GBE1: variants seen among roughly 807,000 people sequenced by gnomAD.
GBE1 encodes the protein 1,4-alpha-glucan-branching enzyme.
A neutral mutation model predicts 88.8 loss-of-function variants in GBE1; 70 were observed. The observed-to-expected ratio is 0.79, with a 90% confidence interval of 0.65 to 0.96. The LOEUF is 0.96. GBE1 is among the 40% of genes least tolerant of loss of function. GBE1 has a pLI of 0.00. For missense variants in GBE1, 872 were observed against 871.0 expected (o/e 1.00, Z -0.01); for synonymous variants, 284 against 300.1 (o/e 0.95, Z 0.56).
chr3:81,673,695 C>CT (rs1358097327), intron 2 of GBE1, among the ~76,000 whole-genome samples: 1 of 151,840 alleles, frequency 6.6e-6, no homozygotes, highest in African/African-American at 2.4e-5. Flanking sequence ...AATACTTTAA[C>CT]TATGTCGCAT....
At position 81,761,359 on chromosome 3, in the gene GBE1, GGGATTCCGGC is replaced by G; in HGVS notation, c.143+6_143+15del. ...GGCTGCCTGTCTAAGTGGGGGTGGT[GGGATTCCGGC>G]GGTACCTGCGCTGGAAGTCCACGGC... On this transcript the variant is annotated splice_donor_region_variant and intron_variant, in intron 1 of 15. Transcript: ENST00000429644. 6.2e-7 allele frequency: 1 copy of G among 1,600,192 alleles called. No homozygotes were observed. Among genetic ancestry groups the G allele is most frequent in the Non-Finnish European group, 8.5e-7 (1 of 1,170,428 alleles).
intron 12 of GBE1, among the ~76,000 whole-genome samples, chr3:81,572,613 T>G (rs368750091): frequency 6.6e-6 from 1 of 152,236 alleles, no homozygotes; most frequent in Non-Finnish European, 1.5e-5. Context: ...CAGAAAGATA[T>G]GTTCTTAATT....
At chr3:81,537,996 T>G (rs1020591376) in intron 12 of GBE1, among the ~76,000 whole-genome samples, 1 of 151,996 alleles carries the variant, frequency 6.6e-6, no homozygotes, top group African/African-American at 2.4e-5. Flanking sequence ...GTTTTTATTG[T>G]TACCCTTAAG....
intron 7 of GBE1, among the ~76,000 whole-genome samples, chr3:81,597,025 T>C (rs1344037565): frequency 6.6e-6 from 1 of 151,956 alleles, no homozygotes; most frequent in East Asian, 1.9e-4. Context: ...GAGTTATGAA[T>C]TATTCCAGAT....
intron 7 of GBE1, among the ~76,000 whole-genome samples, chr3:81,636,629 C>G (rs1258061812): frequency 6.6e-6 from 1 of 151,652 alleles, no homozygotes; most frequent in Non-Finnish European, 1.5e-5. Flanking sequence ...CTCCCAGGTT[C>G]AAGCAATTCT....
At chr3:81,627,069 G>A (rs889677828) in intron 7 of GBE1, among the ~76,000 whole-genome samples, 2 of 152,036 alleles carry the variant, frequency 1.3e-5, no homozygotes, top group South Asian at 2.1e-4. Flanking sequence ...TTGTTATTTC[G>A]TGAATGAAGT....
chr3:81,719,907 T>C (rs990851320), intron 1 of GBE1, among the ~76,000 whole-genome samples: 4 of 152,132 alleles, frequency 2.6e-5, no homozygotes, highest in African/African-American at 9.7e-5. Flanking sequence ...TTATTAAATA[T>C]AGCCAGAGAG....
intron 9 of GBE1, among the ~76,000 whole-genome samples, chr3:81,586,995 T>C (rs1391140558): frequency 6.6e-6 from 1 of 152,068 alleles, no homozygotes; most frequent in Non-Finnish European, 1.5e-5. Flanking sequence ...TTTCATCATG[T>C]TGGCCAGGCT....
At chr3:81,735,034 T>C (rs920203123) in intron 1 of GBE1, among the ~76,000 whole-genome samples, 1 of 152,184 alleles carries the variant, frequency 6.6e-6, no homozygotes, top group Non-Finnish European at 1.5e-5. Context: ...CACTTAGTCA[T>C]TTAGTAGCTA....
intron 8 of GBE1, among the ~76,000 whole-genome samples, chr3:81,592,459 A>T (rs1269298662): frequency 6.6e-6 from 1 of 152,052 alleles, no homozygotes; most frequent in Non-Finnish European, 1.5e-5. Context: ...CCTCCTGATA[A>T]ATTTCCCTTT....
At chr3:81,702,150 T>TTAA in intron 2 of GBE1, among the ~76,000 whole-genome samples, 1 of 115,658 alleles carries the variant, frequency 8.6e-6, no homozygotes, top group African/African-American at 3.6e-5. Flanking sequence ...TGTGTGTGTG[T>TTAA]GTGTGTGTGT....
Position 81,642,806 on chromosome 3 carries a change from C to G in GBE1, c.967G>C (p.Asp323His). ...CTGGAGTAGGCAAACAATCTGCTAT[C>G]CCAAAGATCATGAGTCCCTCTAGGT... The part of the protein sequence containing the change: ...SGPRGTHDLW[D>H]SRLFAYSSWE... The change falls in exon 7 of 16, where the codon GAT becomes CAT. Residue 323 changes from aspartate (D) to histidine (H), a missense_variant. Coordinates refer to ENST00000429644, the MANE Select transcript of GBE1 (RefSeq NM_000158.4). The G allele has an allele frequency of 6.2e-7, 1 of 1,611,996 alleles. No homozygotes were observed. Among genetic ancestry groups the G allele is most frequent in the Non-Finnish European group, 8.5e-7 (1 of 1,178,266 alleles).
chr3:81,673,300 G>A (rs1011186250), intron 2 of GBE1, among the ~76,000 whole-genome samples: 6 of 151,802 alleles, frequency 4.0e-5, no homozygotes, highest in African/African-American at 7.2e-5. Flanking sequence ...GGTATAGTTC[G>A]TTAGTTCATT....
chr3:81,518,701 A>G (rs1702831551), intron 14 of GBE1, among the ~76,000 whole-genome samples: 2 of 151,472 alleles, frequency 1.3e-5, no homozygotes, highest in African/African-American at 4.8e-5. Flanking sequence ...AAAACTAAAG[A>G]AAGTGAACCT....
chr3:81,724,417 T>C (rs1386846633), intron 1 of GBE1, among the ~76,000 whole-genome samples: 1 of 152,158 alleles, frequency 6.6e-6, no homozygotes, highest in African/African-American at 2.4e-5. Flanking sequence ...AGTTCTATAG[T>C]ACCAACATGT....
chr3:81,514,350 C>T (rs925648175), intron 14 of GBE1, among the ~76,000 whole-genome samples: 5 of 151,488 alleles, frequency 3.3e-5, no homozygotes, highest in African/African-American at 1.2e-4. Context: ...TCATTTCATT[C>T]AGTTATATGT....
rs139215947 is a variant in GBE1, at chr3:81,569,814, T to C, written c.1618+8111A>G. ...ATTGCCACTTTTCTTTGCTTACTTA[T>C]TTTATTTTATTTTTTTAATTTCAAG... On this transcript the variant is annotated intron_variant, in intron 12 of 15. Transcript: ENST00000429644. Among the ~76,000 whole-genome samples, 54 of 152,104 alleles carry C rather than the reference T, an allele frequency of 3.6e-4. No individual in the cohort carries two copies. In the East Asian group the frequency reaches 0.01, roughly 28 times the overall value.
intron 2 of GBE1, among the ~76,000 whole-genome samples, chr3:81,702,336 G>A (rs1039986063): frequency 6.6e-6 from 1 of 151,740 alleles, no homozygotes; most frequent in Non-Finnish European, 1.5e-5. Flanking sequence ...TTTTCAAATT[G>A]TTTGTTTTTG....
intron 3 of GBE1, chr3:81,654,688 T>C (rs1446127680): frequency 6.6e-6 from 1 of 152,202 alleles, no homozygotes; most frequent in African/African-American, 2.4e-5. Flanking sequence ...AAAAACATAT[T>C]GATCAAGATA....
Sources: gnomAD v4.1 joint callset for allele counts (sites outside exome capture counted in the v4.1 genomes callset) on GRCh38, gnomAD v4.1.1 for gene constraint, MANE v1.5 for transcripts, NCBI Gene and HGNC (gene_info 2026-07-23, HGNC 2026-07-21) for gene names.